SCAPER: variants seen among roughly 807,000 people sequenced by gnomAD.
SCAPER encodes S-phase cyclin A associated protein in the ER.
Under a neutral mutation model 182.2 loss-of-function variants are expected in SCAPER, and 98 were observed. The observed-to-expected ratio is 0.54, with a 90% CI of 0.46 to 0.64. The LOEUF (loss-of-function observed/expected upper bound fraction) is 0.64, where lower values mean the gene tolerates loss of function less well. SCAPER is among the 30% of genes least tolerant of loss of function. SCAPER has a pLI of 0.00. For missense variants in SCAPER, 1,432 were observed against 1,690.0 expected (o/e 0.85, Z 2.68); for synonymous variants, 605 against 564.6 (o/e 1.07, Z -1.01).
intron 15 of SCAPER, among the ~76,000 whole-genome samples, chr15:76,739,948 C>T (rs1274151245): frequency 1.3e-5 from 2 of 152,216 alleles, no homozygotes; most frequent in Non-Finnish European, 2.9e-5. Context: ...AGGAGGATCA[C>T]TTGTGACCAG....
At chr15:76,377,106 G>A (rs1456080789) in intron 28 of SCAPER, among the ~76,000 whole-genome samples, 1 of 152,178 alleles carries the variant, frequency 6.6e-6, no homozygotes, top group African/African-American at 2.4e-5. Context: ...CTGGCCTGTG[G>A]GAAAAGGCAG....
chr15:76,760,538 C>T (rs2062713536), intron 14 of SCAPER, among the ~76,000 whole-genome samples: 3 of 152,144 alleles, frequency 2.0e-5, no homozygotes, highest in African/African-American at 4.8e-5. Context: ...ATTACAGAGG[C>T]ATGATCTATT....
intron 22 of SCAPER, among the ~76,000 whole-genome samples, chr15:76,591,790 T>C (rs919645639): frequency 9.9e-5 from 15 of 152,240 alleles, no homozygotes; most frequent in African/African-American, 3.6e-4. Flanking sequence ...TGGGCCGCAG[T>C]GGCACATGCC....
intron 5 of SCAPER, among the ~76,000 whole-genome samples, chr15:76,835,473 G>T (rs1250166611): frequency 2.0e-5 from 3 of 151,956 alleles, no homozygotes; most frequent in Non-Finnish European, 2.9e-5. Flanking sequence ...ACACAGAAAA[G>T]GCTTTCAATA....
intron 21 of SCAPER, among the ~76,000 whole-genome samples, chr15:76,640,854 T>C (rs1328686064): frequency 6.6e-6 from 1 of 152,186 alleles, no homozygotes; most frequent in East Asian, 1.9e-4. Context: ...CAGCACGTGA[T>C]GTGCTTTCCC....
chr15:76,604,582 T>C lies in SCAPER; in HGVS notation c.2711+17182A>G, dbSNP rs1262617558. Among the ~76,000 whole-genome samples, 3 of 65,026 alleles carry C rather than the reference T, an allele frequency of 4.6e-5. 1 individual carries two copies. The highest frequency in any genetic ancestry group is 6.3e-5 in the African/African-American group (2 of 31,808). The allele number at this position is 65,026 out of a possible 152,430, so 42.7% of individuals were successfully genotyped here. On this transcript the variant is annotated intron_variant, in intron 22 of 31. Coordinates refer to ENST00000563290, the MANE Select transcript of SCAPER (RefSeq NM_020843.4). ...GTGAAGAAAGTCATTGGTAGCTTGA[T>C]GGGGATGGCATTGAATCTATAAATT...
intron 17 of SCAPER, among the ~76,000 whole-genome samples, chr15:76,719,157 C>T (rs949388015): frequency 6.6e-6 from 1 of 152,058 alleles, no homozygotes; most frequent in African/African-American, 2.4e-5. Flanking sequence ...ACTAAGTGTC[C>T]ATCAAAGAAA....
chr15:76,582,044 C>T (rs1433200189), intron 22 of SCAPER, among the ~76,000 whole-genome samples: 1 of 152,100 alleles, frequency 6.6e-6, no homozygotes, highest in African/African-American at 2.4e-5. Context: ...CCTCTAAGAA[C>T]TGAAACAAAA....
intron 21 of SCAPER, among the ~76,000 whole-genome samples, chr15:76,625,688 T>G (rs2052508008): frequency 6.6e-6 from 1 of 152,178 alleles, no homozygotes; most frequent in Non-Finnish European, 1.5e-5. Flanking sequence ...ACTCCCTCTC[T>G]GGAACAATAC....
At chr15:76,562,550 G>A (rs2046723811) in intron 23 of SCAPER, among the ~76,000 whole-genome samples, 1 of 152,112 alleles carries the variant, frequency 6.6e-6, no homozygotes, top group African/African-American at 2.4e-5. Context: ...AAAAACAAAT[G>A]TACATTAAAA....
Position 76,791,807 on chromosome 15 carries a change from T to C in SCAPER, c.772+3473A>G, listed in dbSNP as rs115388411. 8.1e-3 allele frequency among the ~76,000 whole-genome samples: 1,232 copies of C among 152,132 alleles called. 13 individuals are homozygous for C. Among genetic ancestry groups the C allele is most frequent in the African/African-American group, 0.028 (1,168 of 41,532 alleles). The stretch of plus-strand genomic sequence containing the variant: ...AGGAATGCAGTGGCCTTGGCGAACA[T>C]TCTAGCTTTTCATTTGAGACCCCAA... On this transcript the variant is annotated intron_variant, in intron 8 of 31. Coordinates refer to ENST00000563290, the MANE Select transcript of SCAPER (RefSeq NM_020843.4).
chr15:76,755,073 A>C (rs901790522), intron 14 of SCAPER, among the ~76,000 whole-genome samples: 1 of 152,182 alleles, frequency 6.6e-6, no homozygotes, highest in Admixed American at 6.5e-5. Flanking sequence ...TACTTTCACT[A>C]ATCTATGATT....
chr15:76,458,594 T>TG (rs1240895423), intron 25 of SCAPER, among the ~76,000 whole-genome samples: 1 of 152,210 alleles, frequency 6.6e-6, no homozygotes, highest in Non-Finnish European at 1.5e-5. Flanking sequence ...TGTGGTATTT[T>TG]GGTCATGTGT....
chr15:76,631,741 G>C (rs567919543), intron 21 of SCAPER, among the ~76,000 whole-genome samples: 2 of 152,232 alleles, frequency 1.3e-5, no homozygotes, highest in South Asian at 4.1e-4. Context: ...TCTGACCTTG[G>C]AGAATGTGAA....
At position 76,724,923 on chromosome 15, in the gene SCAPER, A is replaced by G. The variant is rs144498300; in HGVS notation, c.2165+3672T>C. Among the ~76,000 whole-genome samples the G allele has an allele frequency of 3.1e-3, 465 of 152,124 alleles. 1 individual carries two copies. Among genetic ancestry groups the G allele is most frequent in the Non-Finnish European group, 4.6e-3 (310 of 67,998 alleles). On this transcript the variant is annotated intron_variant, in intron 17 of 31. Transcript: ENST00000563290. The stretch of plus-strand genomic sequence containing the variant: ...GCTGTTCTGAAGCCTTCTTCTCTCA[A>G]CGCGTCAAAGTCATTCTCCGTCCAG...
At chr15:76,675,637 C>T (rs192928761) in intron 20 of SCAPER, among the ~76,000 whole-genome samples, 1 of 152,264 alleles carries the variant, frequency 6.6e-6, no homozygotes, top group African/African-American at 2.4e-5. Context: ...TTCTAATGCC[C>T]TTCCCATAAT....
chr15:76,763,920 A>T (rs1341138103), intron 14 of SCAPER, among the ~76,000 whole-genome samples: 1 of 150,570 alleles, frequency 6.6e-6, no homozygotes, highest in Non-Finnish European at 1.5e-5. Flanking sequence ...TTCAACAGTT[A>T]TTTTGAATAT....
At chr15:76,867,418 A>C (rs1162165423) in intron 2 of SCAPER, among the ~76,000 whole-genome samples, 1 of 152,162 alleles carries the variant, frequency 6.6e-6, no homozygotes, top group African/African-American at 2.4e-5. Flanking sequence ...GAAACCATGT[A>C]ACTAGTACAA....
chr15:76,800,606 C>CT (rs1321989689), intron 6 of SCAPER, among the ~76,000 whole-genome samples: 1 of 152,158 alleles, frequency 6.6e-6, no homozygotes, highest in East Asian at 1.9e-4. Flanking sequence ...CACAGCAACA[C>CT]TACTCCAATT....
Sources: gnomAD v4.1 joint callset for allele counts (sites outside exome capture counted in the v4.1 genomes callset) on GRCh38, gnomAD v4.1.1 for gene constraint, MANE v1.5 for transcripts, NCBI Gene and HGNC (gene_info 2026-07-23, HGNC 2026-07-21) for gene names.